Variants in MYH13 observed in about 807,000 individuals in gnomAD.
MYH13 encodes the protein myosin heavy chain 13, also known as myosin-13.
A neutral mutation model predicts 232.1 loss-of-function variants in MYH13; 177 were observed. The observed-to-expected ratio is 0.76, with a 90% CI of 0.67 to 0.86. MYH13 has a LOEUF of 0.86. Among genes scored for constraint, MYH13 ranks in the 40% least tolerant of loss-of-function variants. The pLI is 0.00. For synonymous variants in MYH13, 884 were observed against 923.5 expected, an observed-to-expected ratio of 0.96 and a Z score of 0.78; for missense variants, 2,246 against 2,405.9, an observed-to-expected ratio of 0.93 and a Z score of 1.39.
intron 37 of MYH13, among the ~76,000 whole-genome samples, chr17:10,303,970 A>G (rs1373597487): frequency 6.6e-6 from 1 of 152,208 alleles, no homozygotes; most frequent in African/African-American, 2.4e-5. Context: ...TGTCCTTTTC[A>G]GGGACATGGA....
chr17:10,334,771 C>T (rs962814684), intron 18 of MYH13, among the ~76,000 whole-genome samples: 4 of 151,710 alleles, frequency 2.6e-5, no homozygotes, highest in African/African-American at 7.3e-5. Flanking sequence ...CTCAGCTACT[C>T]GGGAGGCTGC....
At chr17:10,322,850 G>C (rs1453428440) in intron 23 of MYH13, among the ~76,000 whole-genome samples, 1 of 151,984 alleles carries the variant, frequency 6.6e-6, no homozygotes, top group Non-Finnish European at 1.5e-5. Context: ...AGCCAGGATG[G>C]TCTCGATCTC....
At chr17:10,366,821 T>C (rs2071841641) in intron 2 of MYH13, among the ~76,000 whole-genome samples, 1 of 152,268 alleles carries the variant, frequency 6.6e-6, no homozygotes, top group African/African-American at 2.4e-5. Flanking sequence ...TGTTGAAATA[T>C]CCTTTCCTGT....
intron 2 of MYH13, among the ~76,000 whole-genome samples, chr17:10,366,623 C>T (rs535727474): frequency 1.6e-4 from 24 of 152,142 alleles, no homozygotes; most frequent in Non-Finnish European, 2.4e-4. Flanking sequence ...TCAGGTGATC[C>T]GCCCACCTTG....
chr17:10,323,826 GAAGAA>G (rs2142237420), intron 23 of MYH13, among the ~76,000 whole-genome samples, 191 bp downstream of exon 23: 1 of 128,794 alleles, frequency 7.8e-6, no homozygotes, highest in Non-Finnish European at 1.7e-5. Context: ...AGAAGAAGAA[GAAGAA>G]GAGTCTATGG....
intron 12 of MYH13, among the ~76,000 whole-genome samples, chr17:10,350,248 A>G (rs1329649746): frequency 3.3e-5 from 5 of 152,140 alleles, no homozygotes; most frequent in Non-Finnish European, 5.9e-5. Context: ...ACCTAACAAT[A>G]TTGTCTCAAA....
chr17:10,357,804 G>C lies in MYH13; in HGVS notation c.669C>G (p.Ile223Met). 2 of 1,613,878 alleles carry C rather than the reference G, an allele frequency of 1.2e-6. No homozygotes were observed. The highest frequency in any genetic ancestry group is 1.7e-6 in the Non-Finnish European group (2 of 1,179,842). Residue 223 changes from isoleucine (I) to methionine (M), a missense_variant, in exon 8 of 41, where the codon ATC becomes ATG. Coordinates refer to ENST00000252172, the MANE Select transcript of MYH13 (RefSeq NM_003802.3). Reference protein sequence around the residue: ...KMQGTLEDQIIQANPLLEAFG... With the variant: ...KMQGTLEDQIMQANPLLEAFG... The stretch of plus-strand genomic sequence containing the variant: ...AGGCCTCCAGCAGTGGGTTGGCCTG[G>C]ATGATCTGATCCTCTAGGGTTCCCT...
Position 10,364,375 on chromosome 17 carries a change from G to A in MYH13, c.156C>T (p.Ile52=), listed in dbSNP as rs759213643. The change falls in exon 3 of 41, where the codon ATC becomes ATT. Residue 52 remains isoleucine, a synonymous_variant. Transcript: ENST00000252172. ...DNKEMYVKGM[I]QTRENDKVIV... ...TGACTTTGTCATTTTCCCTAGTCTG[G>A]ATCATGCCTTTCACATACATTTCCT... 1 of 1,613,922 alleles carries A rather than the reference G, an allele frequency of 6.2e-7. No homozygotes were observed. The highest frequency in any genetic ancestry group is 1.1e-5 in the South Asian group (1 of 91,050).
At chr17:10,336,818 G>T (rs62058076) in intron 18 of MYH13, among the ~76,000 whole-genome samples, 13,226 of 152,098 alleles carry the variant, frequency 0.087, 794 homozygotes, top group Non-Finnish European at 0.13. Context: ...GACCCTCGAG[G>T]CTCTGGCCTG....
intron 35 of MYH13, among the ~76,000 whole-genome samples, chr17:10,308,457 T>G (rs1906370011): frequency 6.9e-6 from 1 of 143,986 alleles, no homozygotes; most frequent in African/African-American, 2.5e-5. Flanking sequence ...TTTTTTTTTT[T>G]TTTTTTTTGT....
chr17:10,347,237 C>T (rs1003683874), intron 12 of MYH13, among the ~76,000 whole-genome samples: 45 of 152,108 alleles, frequency 3.0e-4, no homozygotes, highest in African/African-American at 9.9e-4. Flanking sequence ...TTGTGGCAAG[C>T]GCCTGTAGTC....
chr17:10,300,930 G>A lies in MYH13; in HGVS notation c.*21C>T. Reference sequence around the variant, plus strand: ...TCCACTCTCTCGGAGGTGTCCCATGGCAACGAGCATCAGGTGAGCCTCATT... The same window carrying A: ...TCCACTCTCTCGGAGGTGTCCCATGACAACGAGCATCAGGTGAGCCTCATT... On this transcript the variant is annotated 3_prime_UTR_variant, in exon 41 of 41. Coordinates refer to ENST00000252172, the MANE Select transcript of MYH13 (RefSeq NM_003802.3). 5.6e-6 allele frequency: 9 copies of A among 1,611,782 alleles called. No homozygotes were observed. The highest frequency in any genetic ancestry group is 7.6e-6 in the Non-Finnish European group (9 of 1,178,688).
At chr17:10,320,655 C>T (rs1906908266) in intron 24 of MYH13, 159 bp from the exon 25 acceptor site, 2 of 763,668 alleles carry the variant, frequency 2.6e-6, no homozygotes. Context: ...TTGCCCCTAC[C>T]TCCCCTCTCT....
Position 10,345,268 on chromosome 17 carries a change from T to G in MYH13, c.1518A>C (p.Glu506Asp). The G allele has an allele frequency of 6.2e-7, 1 of 1,614,160 alleles. No homozygotes were observed. Residue 506 changes from glutamate (E) to aspartate (D), a missense_variant, in exon 15 of 41, where the codon GAA becomes GAC. Physicochemically the swap from Glu to Asp is conservative, Grantham distance 45 (BLOSUM62 2). Coordinates refer to ENST00000252172, the MANE Select transcript of MYH13 (RefSeq NM_003802.3). ...FVLEQEEYKK[E>D]GIEWEFIDFG... ...AGTCAATGAACTCCCACTCGATGCC[T>G]TCCTTCTTGTACTCTTCCTGCTCCA... is the stretch of plus-strand genomic sequence containing the variant.
chr17:10,351,283 A>G (rs1025223847), intron 11 of MYH13, among the ~76,000 whole-genome samples: 3 of 150,948 alleles, frequency 2.0e-5, no homozygotes, highest in African/African-American at 4.9e-5. Flanking sequence ...TTGGGGGAGC[A>G]GTTTTCTGGA....
chr17:10,345,383 C>G lies in MYH13; in HGVS notation c.1414-11G>C. 6.2e-7 allele frequency: 1 copy of G among 1,614,188 alleles called. No homozygotes were observed. The highest frequency in any genetic ancestry group is 8.5e-7 in the Non-Finnish European group (1 of 1,180,040). ...CTCCAGGCTGTTGAACTGGGTGATT[C>G]AAATACCAAAGAATTTGAGTGAGCT... On this transcript the variant is annotated splice_polypyrimidine_tract_variant and intron_variant, in intron 14 of 40. Transcript: ENST00000252172.
intron 37 of MYH13, among the ~76,000 whole-genome samples, chr17:10,305,604 C>A (rs1312541303): frequency 6.6e-6 from 1 of 152,160 alleles, no homozygotes; most frequent in Non-Finnish European, 1.5e-5. Flanking sequence ...CCTTTCCTCC[C>A]TCTCTTTCAT....
At chr17:10,321,735 T>C (rs1244389352) in intron 23 of MYH13, 27 bp from the exon 24 acceptor site, 3 of 1,580,386 alleles carry the variant, frequency 1.9e-6, no homozygotes. Context: ...ACCGATTTAA[T>C]ATGGAAACGA....
At chr17:10,314,918 A>G (rs898894211) in intron 29 of MYH13, among the ~76,000 whole-genome samples, 10 of 152,332 alleles carry the variant, frequency 6.6e-5, no homozygotes, top group East Asian at 1.9e-4. Context: ...CAAGAAGGTG[A>G]TGATGTTCAT....
Sources: allele counts gnomAD v4.1 joint callset (sites outside exome capture counted in the v4.1 genomes callset), GRCh38; gene constraint gnomAD v4.1.1; transcripts MANE v1.5; gene names NCBI Gene and HGNC (gene_info 2026-07-23, HGNC 2026-07-21).